FER1L6: variants seen among roughly 807,000 people sequenced by gnomAD.
FER1L6 encodes the protein fer-1 like family member 6.
A neutral mutation model predicts 219.2 loss-of-function variants in FER1L6; 177 were observed. That is an observed-to-expected ratio of 0.81 (90% CI 0.71 to 0.91). The LOEUF is 0.91. Ranked by LOEUF, FER1L6 falls within the 40% of genes least tolerant of loss-of-function variation. The pLI is 0.00. For synonymous variants in FER1L6, 768 were observed against 824.3 expected (o/e 0.93, Z 1.17); for missense variants, 2,153 against 2,259.9 (o/e 0.95, Z 0.96).
At position 124,013,534 on chromosome 8, in the gene FER1L6, A is replaced by G. The variant is rs376484044; in HGVS notation, c.1922+3A>G. ...AGTGACTTCATCAGTCGGAGCAGGT[A>G]CCGGGAGAGACAGCCGGCATAGGCG... On this transcript the variant is annotated splice_donor_region_variant and intron_variant, in intron 15 of 40. Coordinates refer to ENST00000522917, the MANE Select transcript of FER1L6 (RefSeq NM_001039112.2). 3.7e-5 allele frequency: 59 copies of G among 1,582,038 alleles called. 1 individual carries two copies. The African/African-American group carries it at 6.4e-4, about 17-fold the overall frequency.
At chr8:124,051,475 C>G (rs1036480237) in intron 22 of FER1L6, among the ~76,000 whole-genome samples, 2 of 152,260 alleles carry the variant, frequency 1.3e-5, no homozygotes, top group Non-Finnish European at 1.5e-5. Context: ...GCTACTTAAT[C>G]TGGGTTTCAC....
rs575457636 is a variant in FER1L6 at position 124,001,070 on chromosome 8, C to T, written c.1520-2097C>T. 1.1e-3 allele frequency among the ~76,000 whole-genome samples: 169 copies of T among 152,152 alleles called. 1 individual carries two copies. Among genetic ancestry groups the T allele is most frequent in the African/African-American group, 3.9e-3 (162 of 41,506 alleles). On this transcript the variant is annotated intron_variant, in intron 12 of 40. Transcript: ENST00000522917. ...ATGGGCCTAAGAACACATGGTCATA[C>T]GTGAAAAAATGGGATGATTTGGGGT...
intron 34 of FER1L6, among the ~76,000 whole-genome samples, chr8:124,093,324 A>G (rs867467149): frequency 6.6e-6 from 1 of 151,922 alleles, no homozygotes; most frequent in African/African-American, 2.4e-5. Flanking sequence ...TCACTTGCTC[A>G]TGCCTTTGAT....
At chr8:123,862,353 T>G (rs2130256353) in intron 1 of FER1L6, among the ~76,000 whole-genome samples, 1 of 124,910 alleles carries the variant, frequency 8.0e-6, no homozygotes, top group Admixed American at 7.8e-5. Context: ...TGGATAAGCT[T>G]TTTGATGTGC....
At chr8:124,091,608 T>C (rs768759127) in intron 34 of FER1L6, 25 bp downstream of exon 34, 2 of 1,605,210 alleles carry the variant, frequency 1.2e-6, no homozygotes, top group Non-Finnish European at 1.7e-6. Flanking sequence ...AATATCCTGC[T>C]GGTGTTGCTC....
intron 13 of FER1L6, among the ~76,000 whole-genome samples, chr8:124,009,500 C>T (rs1288837597): frequency 2.6e-5 from 4 of 151,776 alleles, no homozygotes; most frequent in Admixed American, 6.6e-5. Context: ...CCAGAGGAGC[C>T]GGTGCTGCTA....
chr8:124,114,117 T>C (rs528790351), intron 39 of FER1L6, among the ~76,000 whole-genome samples: 1 of 152,324 alleles, frequency 6.6e-6, no homozygotes, highest in African/African-American at 2.4e-5. Context: ...TATTGATCGA[T>C]CTATTTACCT....
rs765563250 is a variant in FER1L6, at chr8:124,071,639, A to T, written c.4092+8A>T. 5.0e-6 allele frequency: 8 copies of T among 1,610,812 alleles called. No homozygotes were observed. Among genetic ancestry groups the T allele is most frequent in the Non-Finnish European group, 6.8e-6 (8 of 1,177,334 alleles). On this transcript the variant is annotated splice_region_variant and intron_variant, in intron 31 of 40. Coordinates refer to ENST00000522917, the MANE Select transcript of FER1L6 (RefSeq NM_001039112.2). ...AGAGTATACATTGTCGCGGTGAGCC[A>T]TTCTTGTTTGCTCTGAGGGGGTGTA...
chr8:124,062,532 G>A (rs1015088245), intron 25 of FER1L6, among the ~76,000 whole-genome samples: 3 of 152,162 alleles, frequency 2.0e-5, no homozygotes, highest in Non-Finnish European at 4.4e-5. Flanking sequence ...TAAATAATAT[G>A]ATGCTATAAT....
intron 1 of FER1L6, among the ~76,000 whole-genome samples, chr8:123,922,691 T>C (rs966596770): frequency 5.9e-5 from 9 of 152,208 alleles, no homozygotes; most frequent in African/African-American, 2.2e-4. Context: ...ACTGACATGT[T>C]TCTGGACTCT....
At chr8:123,871,351 A>G (rs1191884043) in intron 1 of FER1L6, among the ~76,000 whole-genome samples, 1 of 152,162 alleles carries the variant, frequency 6.6e-6, no homozygotes. Context: ...AATAAAAGAA[A>G]CCAGAGCTCT....
intron 39 of FER1L6, among the ~76,000 whole-genome samples, chr8:124,115,396 G>GCCTT (rs1823202130): frequency 6.6e-6 from 1 of 152,068 alleles, no homozygotes; most frequent in African/African-American, 2.4e-5. Context: ...TTCCCCTGCA[G>GCCTT]CCTTCCCAAT....
intron 1 of FER1L6, among the ~76,000 whole-genome samples, chr8:123,943,317 G>A: frequency 6.6e-6 from 1 of 152,198 alleles, no homozygotes. Flanking sequence ...GCTCTTTTGA[G>A]TCTTGATCGA....
intron 1 of FER1L6, among the ~76,000 whole-genome samples, chr8:123,916,541 T>C (rs1813196381): frequency 6.6e-6 from 1 of 152,210 alleles, no homozygotes; most frequent in African/African-American, 2.4e-5. Flanking sequence ...GTCATGCAGA[T>C]TGAGTTCATT....
At position 123,959,600 on chromosome 8, in the gene FER1L6, A is replaced by G. The variant is rs781671381; in HGVS notation, c.76+3526A>G. On this transcript the variant is annotated intron_variant, in intron 2 of 40. Coordinates refer to ENST00000522917, the MANE Select transcript of FER1L6 (RefSeq NM_001039112.2). ...GCCTAGGTGCATGAGCTCCCTGAAC[A>G]TGGCTGTGTTTCTTTGGATGCAGTA... Among the ~76,000 whole-genome samples the G allele has an allele frequency of 6.8e-4, 104 of 152,310 alleles. 1 individual carries two copies. Among genetic ancestry groups the G allele is most frequent in the Middle Eastern group, 3.4e-3 (1 of 294 alleles).
chr8:124,094,022 T>C (rs1303804400), intron 34 of FER1L6, among the ~76,000 whole-genome samples: 1 of 152,174 alleles, frequency 6.6e-6, no homozygotes, highest in Non-Finnish European at 1.5e-5. Context: ...GTTTTGCGCG[T>C]ATCATTTCCA....
intron 13 of FER1L6, among the ~76,000 whole-genome samples, chr8:124,009,333 T>A (rs1159263433): frequency 6.6e-6 from 1 of 152,216 alleles, no homozygotes; most frequent in Non-Finnish European, 1.5e-5. Context: ...TTTTCCTGAC[T>A]GCTACATTTC....
chr8:123,940,448 C>G (rs1814192724), intron 1 of FER1L6, among the ~76,000 whole-genome samples: 1 of 152,188 alleles, frequency 6.6e-6, no homozygotes, highest in African/African-American at 2.4e-5. Flanking sequence ...AACAGTTTTC[C>G]TGCCTCAGCC....
At chr8:124,005,415 G>A (rs1817613606) in intron 13 of FER1L6, among the ~76,000 whole-genome samples, 1 of 152,194 alleles carries the variant, frequency 6.6e-6, no homozygotes, top group Admixed American at 6.5e-5. Context: ...ATGTCCTGCT[G>A]TGTGCTGCTT....
Sources: gnomAD v4.1 joint callset for allele counts (sites outside exome capture counted in the v4.1 genomes callset) on GRCh38, gnomAD v4.1.1 for gene constraint, MANE v1.5 for transcripts, NCBI Gene and HGNC (gene_info 2026-07-23, HGNC 2026-07-21) for gene names.